ADH6: variants seen among roughly 807,000 people sequenced by gnomAD.
ADH6 encodes the protein alcohol dehydrogenase 6 (class V).
ADH6 carries 34 observed loss-of-function variants against 36.5 expected under a neutral mutation model. The ratio of observed to expected loss-of-function variants is 0.93; its 90% CI spans 0.71 to 1.24. The LOEUF (loss-of-function observed/expected upper bound fraction) is 1.24. ADH6 is among the 50% of genes most tolerant of loss of function. The pLI is 0.00. For missense variants in ADH6, 440 were observed against 447.0 expected (o/e 0.98, Z 0.14); for synonymous variants, 161 against 155.5 (o/e 1.04, Z -0.26).
intron 5 of ADH6, 149 bp from the exon 6 acceptor site, chr4:99,209,077 A>C: frequency 1.1e-6 from 1 of 881,946 alleles, no homozygotes; most frequent in Non-Finnish European, 1.6e-6. Context: ...TATAACTACA[A>C]AGTTTTGATT....
chr4:99,213,654 C>T lies in ADH6; in HGVS notation c.214G>A (p.Ala72Thr), dbSNP rs1442751436. Residue 72 changes from alanine to threonine, a missense_variant, in exon 3 of 9, where the codon GCT (alanine) becomes ACT (threonine). By Grantham distance (58) the Ala-to-Thr change is moderately conservative (BLOSUM62 0). Coordinates refer to ENST00000394899, the MANE Select transcript of ADH6 (RefSeq NM_001102470.2). ...TCTCCAATACTCTCAACGATTCCAG[C>T]CCCTTCATGGCCCAAGATGGTGGGA... The part of the protein sequence containing the change: ...LYPTILGHEG[A>T]GIVESIGEGV... 6.2e-7 allele frequency: 1 copy of T among 1,613,888 alleles called. No individual in the cohort carries two copies. Among genetic ancestry groups the T allele is most frequent in the Middle Eastern group, 1.7e-4 (1 of 6,060 alleles).
In ADH6 at chr4:99,203,533, C is replaced by T. The variant is rs1322553389; in HGVS notation, c.*686G>A. On this transcript the variant is annotated 3_prime_UTR_variant, in exon 9 of 9. Transcript: ENST00000394899. ...ACAGTTTTGTTATTTAATATTACAACCGCTTTGTAGGAAGTGTGGATCCTG... is the reference window on the plus strand; with the variant it reads ...ACAGTTTTGTTATTTAATATTACAATCGCTTTGTAGGAAGTGTGGATCCTG... 6.6e-6 allele frequency: 1 copy of T among 152,024 alleles called. No homozygotes were observed. Among genetic ancestry groups the T allele is most frequent in the Non-Finnish European group, 1.5e-5 (1 of 67,996 alleles). The allele number at this position is 152,024 out of a possible 1,614,324, so 9.4% of individuals were successfully genotyped here.
At chr4:99,208,174 A>C (rs2110545438) in intron 6 of ADH6, among the ~76,000 whole-genome samples, 1 of 152,270 alleles carries the variant, frequency 6.6e-6, no homozygotes, top group East Asian at 1.9e-4. Flanking sequence ...GAGCCATGCA[A>C]CCTAATAATA....
At chr4:99,217,967 AG>A in intron 1 of ADH6, among the ~76,000 whole-genome samples, 1 of 152,300 alleles carries the variant, frequency 6.6e-6, no homozygotes, top group Non-Finnish European at 1.5e-5. Flanking sequence ...TAGTTCTTAA[AG>A]GTTCTGATTT....
At chr4:99,217,969 G>C (rs1731509933) in intron 1 of ADH6, among the ~76,000 whole-genome samples, 1 of 152,124 alleles carries the variant, frequency 6.6e-6, no homozygotes, top group South Asian at 2.1e-4. Flanking sequence ...GTTCTTAAAG[G>C]TTCTGATTTC....
In ADH6 at chr4:99,212,999, CAG is replaced by C. The variant is rs202042787; in HGVS notation, c.262+605_262+606del. 5.0e-4 allele frequency among the ~76,000 whole-genome samples: 59 copies of C among 118,668 alleles called. 1 individual carries two copies. Among genetic ancestry groups the C allele is most frequent in the Admixed American group, 1.8e-3 (21 of 11,428 alleles). 77.9% of individuals were successfully genotyped at this position (118,668 alleles called of 152,430 possible). A position where few individuals can be genotyped will look rare whatever the true frequency, so the allele number is the denominator to read the frequency against. ...TTTCCTTCCCTCCTCCAAGATAATA[CAG>C]TGTTCTCCCATGTTATTTTATAGTA... On this transcript the variant is annotated intron_variant, in intron 3 of 8. Transcript: ENST00000394899.
At chr4:99,214,720 A>G (rs1206841111) in intron 2 of ADH6, among the ~76,000 whole-genome samples, 4 of 152,328 alleles carry the variant, frequency 2.6e-5, no homozygotes, top group African/African-American at 9.6e-5. Context: ...ACACATTCAC[A>G]TGCACATACT....
chr4:99,217,121 C>T (rs773123419), intron 1 of ADH6, among the ~76,000 whole-genome samples: 2 of 152,104 alleles, frequency 1.3e-5, no homozygotes, highest in East Asian at 1.9e-4. Context: ...CTGCAAGCTC[C>T]GCCTTCCGGG....
Position 99,216,243 on chromosome 4 carries a change from G to T in ADH6, c.38C>A (p.Ala13Asp). The T allele has an allele frequency of 6.3e-7, 1 of 1,575,716 alleles. No individual in the cohort carries two copies. The highest frequency in any genetic ancestry group is 1.2e-5 in the South Asian group (1 of 83,610). ...TTGQVIRCKA[A>D]ILWKPGAPFS... ...TGGTGCACCAGGCTTCCAGAGTATG[G>T]CTGCTTTGCATCTGATGACCTGGGA... is the stretch of plus-strand genomic sequence containing the variant. Residue 13 changes from alanine to aspartate, a missense_variant, in exon 2 of 9, where the codon GCC (alanine) becomes GAC (aspartate). Coordinates refer to ENST00000394899, the MANE Select transcript of ADH6 (RefSeq NM_001102470.2).
At chr4:99,204,528 T>A (rs1370293862) in intron 8 of ADH6, 3 of 1,255,320 alleles carry the variant, frequency 2.4e-6, no homozygotes, top group Non-Finnish European at 3.0e-6. Context: ...TTAGGAATCC[T>A]ATGAATAATT....
rs759474495 is a variant in ADH6, at chr4:99,207,595, A to G, written c.829-14T>C. On this transcript the variant is annotated splice_polypyrimidine_tract_variant and intron_variant, in intron 6 of 8. Coordinates refer to ENST00000394899, the MANE Select transcript of ADH6 (RefSeq NM_001102470.2). ...GAGGGCAGCTGCCTGTTAGAAAGTG[A>G]TGCAATACAGTATAGGGGTTAAAAG... The G allele has an allele frequency of 1.2e-6, 2 of 1,612,452 alleles. No homozygotes were observed. The highest frequency in any genetic ancestry group is 8.5e-7 in the Non-Finnish European group (1 of 1,178,966).
intron 1 of ADH6, among the ~76,000 whole-genome samples, chr4:99,217,872 G>A (rs1731506192): frequency 6.6e-6 from 1 of 152,074 alleles, no homozygotes; most frequent in Non-Finnish European, 1.5e-5. Context: ...GGGGTGGAAG[G>A]GTGAGTTATG....
chr4:99,218,986 A>G, intron 1 of ADH6, 149 bp downstream of exon 1: 1 of 722,288 alleles, frequency 1.4e-6, no homozygotes, highest in Non-Finnish European at 2.4e-6. Context: ...ATTAAGGAAA[A>G]AGGAGAGGAG....
chr4:99,205,251 A>C (rs1380305327), intron 7 of ADH6, among the ~76,000 whole-genome samples, 188 bp from the exon 8 acceptor site: 1 of 152,090 alleles, frequency 6.6e-6, no homozygotes, highest in Admixed American at 6.6e-5. Flanking sequence ...GTGTTCCTAA[A>C]GGAGACTTCT....
At chr4:99,215,572 C>T (rs1731378193) in intron 2 of ADH6, among the ~76,000 whole-genome samples, 1 of 152,208 alleles carries the variant, frequency 6.6e-6, no homozygotes, top group South Asian at 2.1e-4. Flanking sequence ...GTTCTCATCT[C>T]CTGCACTCAA....
intron 1 of ADH6, 62 bp from the exon 2 acceptor site, chr4:99,216,324 C>T (rs1579451308): frequency 9.9e-7 from 1 of 1,014,752 alleles, no homozygotes; most frequent in Non-Finnish European, 1.4e-6. Flanking sequence ...TGGAAGATTG[C>T]TATATTAGTG....
At chr4:99,212,974 T>C (rs1731277474) in intron 3 of ADH6, among the ~76,000 whole-genome samples, 1 of 144,436 alleles carries the variant, frequency 6.9e-6, no homozygotes, top group African/African-American at 2.6e-5. Flanking sequence ...TTGATTAAAA[T>C]TTCCTTCCCT....
chr4:99,205,172 C>G, intron 7 of ADH6, 109 bp from the exon 8 acceptor site: 2 of 1,239,970 alleles, frequency 1.6e-6, no homozygotes, highest in Non-Finnish European at 2.2e-6. Flanking sequence ...AAATCTAAGC[C>G]TGTCCCGTTT....
chr4:99,204,654 T>G (rs999479236), intron 8 of ADH6: 1 of 1,194,964 alleles, frequency 8.4e-7, no homozygotes, highest in Non-Finnish European at 1.0e-6. Flanking sequence ...TAATATGTCA[T>G]GTAAAAAAAA....
Sources: allele counts gnomAD v4.1 joint callset (sites outside exome capture counted in the v4.1 genomes callset), GRCh38; gene constraint gnomAD v4.1.1; transcripts MANE v1.5; gene names NCBI Gene and HGNC (gene_info 2026-07-23, HGNC 2026-07-21).